The following CNTN1 variants were observed in gnomAD, a reference collection of about 807,000 sequenced individuals.
The protein encoded by CNTN1 is contactin 1, also known as contactin-1.
A neutral mutation model predicts 126.4 loss-of-function variants in CNTN1; 38 were observed. The ratio of observed to expected loss-of-function variants is 0.30; its 90% CI spans 0.23 to 0.39. CNTN1 has a LOEUF of 0.39. Among genes scored for constraint, CNTN1 ranks in the 10% least tolerant of loss-of-function variants. CNTN1 has a pLI of 1.00. For synonymous variants in CNTN1, 413 were observed against 422.6 expected, an observed-to-expected ratio of 0.98 and a Z score of 0.28; for missense variants, 1,009 against 1,248.4, an observed-to-expected ratio of 0.81 and a Z score of 2.89.
At chr12:41,042,291 T>C (rs1031911851) in intron 23 of CNTN1, among the ~76,000 whole-genome samples, 1 of 152,198 alleles carries the variant, frequency 6.6e-6, no homozygotes, top group Admixed American at 6.6e-5. Context: ...CAGTTTGTTA[T>C]AATTTCTGTT....
At chr12:40,755,969 C>T (rs999644532) in intron 1 of CNTN1, among the ~76,000 whole-genome samples, 1 of 151,996 alleles carries the variant, frequency 6.6e-6, no homozygotes, top group African/African-American at 2.4e-5. Context: ...GGAGATTGTT[C>T]ATAAATGTAA....
intron 3 of CNTN1, among the ~76,000 whole-genome samples, chr12:40,912,100 G>A (rs113370581): frequency 0.065 from 9,883 of 152,198 alleles, 528 homozygotes; most frequent in Admixed American, 0.16. Flanking sequence ...TTAGTAGCTA[G>A]TGTTCAAATA....
intron 1 of CNTN1, among the ~76,000 whole-genome samples, chr12:40,697,525 C>T (rs1047853532): frequency 3.3e-5 from 5 of 152,168 alleles, no homozygotes; most frequent in Non-Finnish European, 7.3e-5. Context: ...TGCTTTCTAA[C>T]ACACAGAAAT....
intron 1 of CNTN1, among the ~76,000 whole-genome samples, chr12:40,781,795 A>G (rs1171487063): frequency 1.3e-5 from 2 of 151,998 alleles, no homozygotes; most frequent in African/African-American, 4.8e-5. Context: ...TCTCTATTAT[A>G]GTCAGAATGG....
At chr12:40,848,441 AT>A (rs956174603) in intron 1 of CNTN1, among the ~76,000 whole-genome samples, 1 of 152,098 alleles carries the variant, frequency 6.6e-6, no homozygotes, top group Admixed American at 6.6e-5. Flanking sequence ...AGCTGTCACA[AT>A]TTTTTTGGAA....
intron 1 of CNTN1, among the ~76,000 whole-genome samples, chr12:40,834,769 A>G (rs1053856064): frequency 6.6e-6 from 1 of 152,188 alleles, no homozygotes; most frequent in Non-Finnish European, 1.5e-5. Context: ...TAATCTTTTA[A>G]AGTGCTTAGA....
chr12:40,908,019 A>G (rs945568190), intron 1 of CNTN1, among the ~76,000 whole-genome samples: 2 of 152,220 alleles, frequency 1.3e-5, no homozygotes, highest in Non-Finnish European at 2.9e-5. Flanking sequence ...TTTGTAGAAA[A>G]GACTTATTAT....
At chr12:40,856,592 A>G (rs1165603889) in intron 1 of CNTN1, among the ~76,000 whole-genome samples, 3 of 152,134 alleles carry the variant, frequency 2.0e-5, no homozygotes, top group African/African-American at 7.2e-5. Context: ...TAATTTCAGA[A>G]AGTCGATTTT....
chr12:40,868,165 C>T (rs1029930117), intron 1 of CNTN1, among the ~76,000 whole-genome samples: 2 of 151,738 alleles, frequency 1.3e-5, no homozygotes, highest in Non-Finnish European at 2.9e-5. Flanking sequence ...AATGTATTTC[C>T]TTTCTCTCTG....
intron 17 of CNTN1, among the ~76,000 whole-genome samples, chr12:41,006,601 T>A (rs962608236): frequency 1.3e-5 from 2 of 152,272 alleles, no homozygotes; most frequent in Non-Finnish European, 2.9e-5. Flanking sequence ...ACATAGCTAA[T>A]ATCAGAAGTT....
At chr12:40,940,725 G>A (rs562569076) in intron 12 of CNTN1, among the ~76,000 whole-genome samples, 1 of 152,254 alleles carries the variant, frequency 6.6e-6, no homozygotes, top group South Asian at 2.1e-4. Context: ...AGAGGGCAGG[G>A]ACATCAGGGG....
At chr12:40,903,881 A>G (rs1247600592) in intron 1 of CNTN1, among the ~76,000 whole-genome samples, 1 of 152,232 alleles carries the variant, frequency 6.6e-6, no homozygotes, top group Non-Finnish European at 1.5e-5. Context: ...GTAATGCCCA[A>G]TAAACCACAT....
chr12:40,835,993 T>TGA (rs1254002309), intron 1 of CNTN1, among the ~76,000 whole-genome samples: 1 of 43,758 alleles, frequency 2.3e-5, no homozygotes, highest in Admixed American at 1.9e-4. Context: ...TATATGTGTG[T>TGA]GTGTGTGTGT....
intron 14 of CNTN1, among the ~76,000 whole-genome samples, chr12:40,944,755 G>A (rs1200847905): frequency 6.6e-6 from 1 of 152,004 alleles, no homozygotes; most frequent in Non-Finnish European, 1.5e-5. Flanking sequence ...AGACTGAGAA[G>A]TAATGCAGGC....
intron 14 of CNTN1, among the ~76,000 whole-genome samples, chr12:40,954,351 C>T (rs886079847): frequency 2.6e-5 from 4 of 151,792 alleles, no homozygotes; most frequent in Admixed American, 2.6e-4. Flanking sequence ...TTTTATTTTA[C>T]AATAATTATT....
At chr12:40,888,243 A>G (rs1378913810) in intron 1 of CNTN1, among the ~76,000 whole-genome samples, 2 of 152,112 alleles carry the variant, frequency 1.3e-5, no homozygotes. Context: ...TTTTGTGATG[A>G]TTTATATGTT....
chr12:40,971,413 C>G, intron 15 of CNTN1: 1 of 1,588,702 alleles, frequency 6.3e-7, no homozygotes, highest in Non-Finnish European at 8.5e-7. Flanking sequence ...CTCCCTTCAG[C>G]CTTGATCTTT....
intron 1 of CNTN1, among the ~76,000 whole-genome samples, chr12:40,839,325 G>T (rs748251481): frequency 6.6e-6 from 1 of 151,804 alleles, no homozygotes; most frequent in Non-Finnish European, 1.5e-5. Context: ...TATCTCCAAG[G>T]GTGAAGAAAC....
chr12:40,809,814 T>TCACACACACACACACA (rs3223354), intron 1 of CNTN1, among the ~76,000 whole-genome samples: 20 of 146,856 alleles, frequency 1.4e-4, no homozygotes, highest in South Asian at 4.4e-4. Flanking sequence ...AGACTCTGTC[T>TCACACACACACACACA]CACACACACA....
Sources: allele counts gnomAD v4.1 joint callset (sites outside exome capture counted in the v4.1 genomes callset), GRCh38; gene constraint gnomAD v4.1.1; transcripts MANE v1.5; gene names NCBI Gene and HGNC (gene_info 2026-07-23, HGNC 2026-07-21).